Variants in ATP13A4 observed in about 807,000 individuals in gnomAD.
ATP13A4 encodes ATPase 13A4.
A neutral mutation model predicts 142.5 loss-of-function variants in ATP13A4; 114 were observed. That is an observed-to-expected ratio of 0.80 (90% CI 0.69 to 0.93). ATP13A4 has a LOEUF of 0.93. ATP13A4 is among the 40% of genes least tolerant of loss of function. ATP13A4 has a pLI of 0.00. For synonymous variants in ATP13A4, 488 were observed against 514.8 expected, an observed-to-expected ratio of 0.95 and a Z score of 0.70; for missense variants, 1,392 against 1,454.0, an observed-to-expected ratio of 0.96 and a Z score of 0.69.
intron 7 of ATP13A4, among the ~76,000 whole-genome samples, chr3:193,488,699 ACT>A (rs1719775854): frequency 2.0e-5 from 3 of 152,242 alleles, no homozygotes; most frequent in East Asian, 3.9e-4. Flanking sequence ...AGACACAAAG[ACT>A]CTAGAAGTTT....
At chr3:193,545,741 C>T (rs924332405) in intron 1 of ATP13A4, among the ~76,000 whole-genome samples, 4 of 152,234 alleles carry the variant, frequency 2.6e-5, no homozygotes, top group Admixed American at 6.5e-5. Flanking sequence ...GGACCCTATA[C>T]GGTTCGGCAC....
rs1034644341 is a variant in ATP13A4 at position 193,504,020 on chromosome 3, T to TGTGTGTGTGA, written c.235-1382_235-1381insTCACACACAC. Among the ~76,000 whole-genome samples, 176 of 144,314 alleles carry TGTGTGTGTGA rather than the reference T, an allele frequency of 1.2e-3. 2 individuals carry two copies. Among genetic ancestry groups the TGTGTGTGTGA allele is most frequent in the African/African-American group, 4.2e-3 (163 of 38,664 alleles). The allele number at this position is 144,314 out of a possible 152,430, so 94.7% of individuals were successfully genotyped here. ...ATGTGTGTGTGTGTGTGTGTGTGTG[T>TGTGTGTGTGA]GAGAGAGAGAGAGAGAGAGAGAAAG... On this transcript the variant is annotated intron_variant, in intron 2 of 29. Transcript: ENST00000342695.
intron 24 of ATP13A4, 132 bp from the exon 25 acceptor site, chr3:193,434,049 C>T (rs1242978306): frequency 2.5e-6 from 2 of 786,098 alleles, no homozygotes; most frequent in African/African-American, 1.7e-5. Context: ...GTGTTCGGGG[C>T]CTGGTTGAGT....
chr3:193,493,542 G>A (rs910828681), intron 3 of ATP13A4, among the ~76,000 whole-genome samples: 13 of 152,190 alleles, frequency 8.5e-5, no homozygotes, highest in African/African-American at 1.7e-4. Context: ...TGCTGTAGAC[G>A]TAAAGAGAGA....
intron 9 of ATP13A4, among the ~76,000 whole-genome samples, chr3:193,469,313 A>G (rs186871449): frequency 2.7e-4 from 41 of 152,338 alleles, no homozygotes; most frequent in Non-Finnish European, 5.9e-5. Context: ...TGGAACAGAC[A>G]GGACAATAAG....
chr3:193,542,462 G>GA (rs368015871), intron 1 of ATP13A4, among the ~76,000 whole-genome samples: 41 of 151,342 alleles, frequency 2.7e-4, no homozygotes, highest in African/African-American at 9.5e-4. Context: ...CATAGAATTA[G>GA]AAAAAAACTA....
At chr3:193,559,452 T>C (rs1401981133), upstream of ATP13A4, among the ~76,000 whole-genome samples, 3 of 152,218 alleles carry the variant, frequency 2.0e-5, no homozygotes, top group East Asian at 5.8e-4. Flanking sequence ...AACTCAAGGC[T>C]TTACCTTTAG....
At chr3:193,468,076 G>T (rs940805006) in intron 9 of ATP13A4, among the ~76,000 whole-genome samples, 1 of 152,202 alleles carries the variant, frequency 6.6e-6, no homozygotes, top group African/African-American at 2.4e-5. Flanking sequence ...CTACTCGGGA[G>T]GCTGAGGCAG....
intron 18 of ATP13A4, 53 bp from the exon 19 acceptor site, chr3:193,442,609 C>A: frequency 6.4e-7 from 1 of 1,551,410 alleles, no homozygotes; most frequent in South Asian, 1.1e-5. Context: ...TGAATTAATT[C>A]ATGCAGAGCC....
At chr3:193,442,950 G>C (rs943212325) in intron 18 of ATP13A4, among the ~76,000 whole-genome samples, 10 of 152,146 alleles carry the variant, frequency 6.6e-5, no homozygotes, top group African/African-American at 2.2e-4. Flanking sequence ...GATTACAATG[G>C]AAAACTCTGA....
At chr3:193,593,090 T>A (rs903433942) in exon 1 of ATP13A4, 2 of 408,172 alleles carry the variant, frequency 4.9e-6, no homozygotes, top group Admixed American at 8.7e-5. Context: ...GATGGATTGC[T>A]CCAGTCCGTT....
chr3:193,416,721 G>T (rs1272261569), intron 25 of ATP13A4, among the ~76,000 whole-genome samples: 2 of 151,976 alleles, frequency 1.3e-5, no homozygotes, highest in African/African-American at 4.8e-5. Context: ...GAGCCTAAAG[G>T]GCATGTATAA....
At chr3:193,447,871 T>C (rs929851046) in intron 18 of ATP13A4, among the ~76,000 whole-genome samples, 1 of 152,222 alleles carries the variant, frequency 6.6e-6, no homozygotes, top group Non-Finnish European at 1.5e-5. Flanking sequence ...CTGACTCATG[T>C]CTTCTTGCCA....
In ATP13A4 at chr3:193,457,109, T is replaced by C; in HGVS notation, c.1806A>G (p.Ser602=). The C allele has an allele frequency of 1.9e-6, 3 of 1,613,438 alleles. No individual in the cohort carries two copies. The highest frequency in any genetic ancestry group is 2.5e-6 in the Non-Finnish European group (3 of 1,179,788). The part of the protein sequence containing the change: ...GIAILHQFPF[S]SALQRMTVIV... The stretch of plus-strand genomic sequence containing the variant: ...TGACTGTCATTCTTTGCAGTGCCGA[T>C]GAGAATGGGAACTGATGCAGGATTG... The change falls in exon 16 of 30, where the codon TCA becomes TCG. Residue 602 remains serine (S), a synonymous_variant. Coordinates refer to ENST00000342695, the MANE Select transcript of ATP13A4 (RefSeq NM_032279.4).
chr3:193,431,661 T>C (rs971538), intron 25 of ATP13A4, among the ~76,000 whole-genome samples: 71,427 of 150,980 alleles, frequency 0.47, 18,039 homozygotes, highest in Non-Finnish European at 0.57. Flanking sequence ...CAAATATATA[T>C]GGGTGTGTAT....
At chr3:193,428,833 C>T (rs2108614097) in intron 25 of ATP13A4, among the ~76,000 whole-genome samples, 2 of 151,214 alleles carry the variant, frequency 1.3e-5, no homozygotes, top group South Asian at 4.2e-4. Context: ...GGAGATATAC[C>T]TAATGTAAAG....
chr3:193,442,412 T>C lies in ATP13A4; in HGVS notation c.2297A>G (p.His766Arg), dbSNP rs1187379674. 6.2e-7 allele frequency: 1 copy of C among 1,614,006 alleles called. No individual in the cohort carries two copies. Among genetic ancestry groups the C allele is most frequent in the East Asian group, 2.2e-5 (1 of 44,884 alleles). ...ISWTLVEEKK[H>R]IMYGNQDNYI... ...GAGTACCTGATTCCCATACATAATGTGTTTCTTCTCTTCTACTAACGTCCA... is the reference window on the plus strand; with the variant it reads ...GAGTACCTGATTCCCATACATAATGCGTTTCTTCTCTTCTACTAACGTCCA... Residue 766 changes from histidine (H) to arginine (R), a missense_variant, in exon 19 of 30, where the codon CAC (histidine) becomes CGC (arginine). Physicochemically the swap from His to Arg is conservative, Grantham distance 29. Coordinates refer to ENST00000342695, the MANE Select transcript of ATP13A4 (RefSeq NM_032279.4).
chr3:193,593,073 G>A (rs1724892161), exon 1 of ATP13A4: 1 of 380,508 alleles, frequency 2.6e-6, no homozygotes, highest in Admixed American at 4.5e-5. Flanking sequence ...GGGGCCCCGT[G>A]AGAGGCGATG....
At position 193,554,853 on chromosome 3, in the gene ATP13A4, A is replaced by G; in HGVS notation, c.-54T>C. On this transcript the variant is annotated 5_prime_UTR_variant, in exon 1 of 30. Coordinates refer to ENST00000342695, the MANE Select transcript of ATP13A4 (RefSeq NM_032279.4). ...ACCTTGTCGTGCAGACGCTTCCAGGATGAACTCCAACTCGCCGAGCCACCG... is the reference window on the plus strand; with the variant it reads ...ACCTTGTCGTGCAGACGCTTCCAGGGTGAACTCCAACTCGCCGAGCCACCG... 3 of 1,613,556 alleles carry G rather than the reference A, an allele frequency of 1.9e-6. No homozygotes were observed. Among genetic ancestry groups the G allele is most frequent in the Non-Finnish European group, 2.5e-6 (3 of 1,179,990 alleles).
Sources: allele counts gnomAD v4.1 joint callset (sites outside exome capture counted in the v4.1 genomes callset), GRCh38; gene constraint gnomAD v4.1.1; transcripts MANE v1.5; gene names NCBI Gene and HGNC (gene_info 2026-07-23, HGNC 2026-07-21).